NUCB2: variants seen among roughly 807,000 people sequenced by gnomAD.
NUCB2 encodes the protein nucleobindin-2.
NUCB2 carries 48 observed loss-of-function variants against 57.9 expected under a neutral mutation model. That is an observed-to-expected ratio of 0.83 (90% confidence interval 0.66 to 1.05). The LOEUF (loss-of-function observed/expected upper bound fraction) is 1.05. Ranked by LOEUF, NUCB2 falls within the 50% of genes least tolerant of loss-of-function variation. NUCB2 has a pLI of 0.00. For missense variants in NUCB2, 442 were observed against 476.2 expected (o/e 0.93, Z 0.67); for synonymous variants, 139 against 152.1 (o/e 0.91, Z 0.64).
Position 17,300,520 on chromosome 11 carries a change from C to T in NUCB2, c.253-1224C>T, listed in dbSNP as rs75713188. Among the ~76,000 whole-genome samples the T allele has an allele frequency of 5.3e-5, 8 of 152,242 alleles. 1 individual carries two copies. The East Asian group carries it at 1.5e-3, about 29-fold the overall frequency. On this transcript the variant is annotated intron_variant, in intron 4 of 13. Coordinates refer to ENST00000529010, the MANE Select transcript of NUCB2 (RefSeq NM_005013.4). ...GACATTGCATATATGTGGACTCATA[C>T]AATAAGTGGTTTGTTGTGTCTGGTT...
intron 2 of NUCB2, among the ~76,000 whole-genome samples, chr11:17,294,436 A>G (rs1239973064): frequency 6.6e-6 from 1 of 152,164 alleles, no homozygotes; most frequent in Admixed American, 6.5e-5. Flanking sequence ...AAATGGGTGA[A>G]TTTTATGACG....
rs1591438018 is a variant in NUCB2 at position 17,311,011 on chromosome 11, G to A, written c.669+1G>A. ...AAATCACCCTAAAGTTAATCACCCAGTAAGGATTGTGACTTTATGAAACCA... is the reference window on the plus strand; with the variant it reads ...AAATCACCCTAAAGTTAATCACCCAATAAGGATTGTGACTTTATGAAACCA... On this transcript the variant is annotated splice_donor_variant, in intron 7 of 13. Coordinates refer to ENST00000529010, the MANE Select transcript of NUCB2 (RefSeq NM_005013.4). LOFTEE classifies it high-confidence loss of function. The A allele has an allele frequency of 6.4e-7, 1 of 1,568,498 alleles. No individual in the cohort carries two copies. Among genetic ancestry groups the A allele is most frequent in the Non-Finnish European group, 8.6e-7 (1 of 1,166,492 alleles).
intron 2 of NUCB2, among the ~76,000 whole-genome samples, chr11:17,340,715 GT>G: frequency 6.6e-6 from 1 of 152,332 alleles, no homozygotes. Flanking sequence ...CTATATCTGT[GT>G]TTTGGTACCA....
At chr11:17,334,300 G>A (rs1181923603), downstream of NUCB2, 1 of 152,318 alleles carries the variant, frequency 6.6e-6, no homozygotes, top group African/African-American at 2.4e-5. Context: ...AGAGTAGGCT[G>A]CTGAAAGAGC....
At chr11:17,281,148 T>G (rs1457720676) in intron 1 of NUCB2, among the ~76,000 whole-genome samples, 1 of 152,178 alleles carries the variant, frequency 6.6e-6, no homozygotes, top group Non-Finnish European at 1.5e-5. Context: ...TTATTTTTTT[T>G]AGACAGGGTC....
chr11:17,325,721 T>C (rs1483375328), intron 11 of NUCB2, among the ~76,000 whole-genome samples: 1 of 152,132 alleles, frequency 6.6e-6, no homozygotes, highest in Non-Finnish European at 1.5e-5. Context: ...ATTTTGTTAT[T>C]TTTCTGGATG....
At chr11:17,309,775 C>A in intron 6 of NUCB2, 100 bp downstream of exon 6, 1 of 699,656 alleles carries the variant, frequency 1.4e-6, no homozygotes, top group Non-Finnish European at 2.3e-6. Context: ...TTTATATATT[C>A]TGTAGAAGTT....
At chr11:17,341,727 A>G (rs1239313747) in intron 2 of NUCB2, among the ~76,000 whole-genome samples, 1 of 152,158 alleles carries the variant, frequency 6.6e-6, no homozygotes, top group Non-Finnish European at 1.5e-5. Context: ...CCAGTATTTT[A>G]TTGAGGATTT....
chr11:17,336,058 C>T (rs564754100), downstream of NUCB2, among the ~76,000 whole-genome samples: 2 of 152,078 alleles, frequency 1.3e-5, no homozygotes, highest in African/African-American at 2.4e-5. Context: ...TTTTGGATTT[C>T]GGATTTTTTT....
intron 10 of NUCB2, among the ~76,000 whole-genome samples, chr11:17,313,263 C>T (rs1337898010): frequency 6.6e-6 from 1 of 151,958 alleles, no homozygotes; most frequent in East Asian, 1.9e-4. Flanking sequence ...GGCATGATAG[C>T]TCATGCCTAT....
At position 17,331,182 on chromosome 11, in the gene NUCB2, C is replaced by T. The variant is rs1378459212; in HGVS notation, c.1255+199C>T. Reference sequence around the variant, plus strand: ...TTTATGTAGCAGCAAATTTTAAGTGCTGTATCATTTGTATAATTTGATAAC... The same window carrying T: ...TTTATGTAGCAGCAAATTTTAAGTGTTGTATCATTTGTATAATTTGATAAC... On this transcript the variant is annotated intron_variant, in intron 13 of 13. Coordinates refer to ENST00000529010, the MANE Select transcript of NUCB2 (RefSeq NM_005013.4). 5.4e-6 allele frequency: 3 copies of T among 560,162 alleles called. No individual in the cohort carries two copies. The African/African-American group carries it at 5.8e-5, about 11-fold the overall frequency. The allele number at this position is 560,162 out of a possible 1,614,324, so 34.7% of individuals were successfully genotyped here.
rs182928712 is a variant in NUCB2 at position 17,296,121 on chromosome 11, T to A, written c.162T>A (p.Tyr54Ter). The A allele has an allele frequency of 9.3e-6, 15 of 1,607,194 alleles. No homozygotes were observed. The East Asian group carries it at 2.2e-4, about 24-fold the overall frequency. Residue 54 changes from tyrosine to a stop codon, truncating the protein, a stop_gained, in exon 4 of 14, where the codon TAT (tyrosine) becomes TAA (stop). Transcript: ENST00000529010. LOFTEE classifies it high-confidence loss of function. The part of the protein sequence containing the change: ...KIEPPDTGLY[Y>*]DEYLKQVIDV... ...ATTTGAAGGATACTGGACTTTATTA[T>A]GATGAATATCTCAAGCAAGTGATTG...
chr11:17,301,788 G>A lies in NUCB2; in HGVS notation c.297G>A (p.Val99=). ...AACTGGATTTAGTAAGTCACCATGT[G>A]AGGACAAAACTTGATGAACTGAAAA... ...SKELDLVSHH[V]RTKLDELKRQ... The change falls in exon 5 of 14, where the codon GTG becomes GTA. Residue 99 remains valine, a synonymous_variant. Coordinates refer to ENST00000529010, the MANE Select transcript of NUCB2 (RefSeq NM_005013.4). The A allele has an allele frequency of 6.2e-7, 1 of 1,610,640 alleles. No individual in the cohort carries two copies. Among genetic ancestry groups the A allele is most frequent in the Non-Finnish European group, 8.5e-7 (1 of 1,176,838 alleles).
At chr11:17,291,182 T>C (rs1944876122) in intron 2 of NUCB2, 1 of 152,198 alleles carries the variant, frequency 6.6e-6, no homozygotes, top group Admixed American at 6.6e-5. Flanking sequence ...ATATGTGTCC[T>C]CTTGCTTCTG....
intron 2 of NUCB2, among the ~76,000 whole-genome samples, chr11:17,289,735 T>G (rs999614555): frequency 1.5e-4 from 23 of 152,222 alleles, no homozygotes; most frequent in African/African-American, 4.6e-4. Context: ...TTACAGTGAT[T>G]TGTTATTTTC....
At chr11:17,336,879 A>G (rs1451868668), downstream of NUCB2, among the ~76,000 whole-genome samples, 1 of 151,434 alleles carries the variant, frequency 6.6e-6, no homozygotes, top group East Asian at 1.9e-4. Flanking sequence ...TTATAATAAG[A>G]TTAAATGCAA....
rs558951401 is a variant in NUCB2 at position 17,331,711 on chromosome 11, C to G, written c.*292C>G. 74 of 291,032 alleles carry G rather than the reference C, an allele frequency of 2.5e-4. No homozygotes were observed. Among genetic ancestry groups the G allele is most frequent in the African/African-American group, 1.4e-3 (63 of 46,322 alleles). 18.0% of individuals were successfully genotyped at this position (291,032 alleles called of 1,614,324 possible). ...AATGATTTAATTAAGTGGCTTTATG[C>G]CATAATTTAGTGAAACTATTAGGAA... On this transcript the variant is annotated 3_prime_UTR_variant, in exon 14 of 14. Transcript: ENST00000529010.
chr11:17,300,776 A>G (rs1451086398), intron 4 of NUCB2, among the ~76,000 whole-genome samples: 7 of 152,160 alleles, frequency 4.6e-5, no homozygotes, highest in African/African-American at 1.4e-4. Context: ...TCTTTTAGTT[A>G]TATATCTAGG....
intron 4 of NUCB2, among the ~76,000 whole-genome samples, chr11:17,299,192 C>T (rs530281385): frequency 3.3e-5 from 5 of 152,310 alleles, no homozygotes; most frequent in African/African-American, 1.2e-4. Flanking sequence ...CCTCATTCTA[C>T]TGGGCTCCTT....
Sources: gnomAD v4.1 joint callset for allele counts (sites outside exome capture counted in the v4.1 genomes callset) on GRCh38, gnomAD v4.1.1 for gene constraint, MANE v1.5 for transcripts, NCBI Gene and HGNC (gene_info 2026-07-23, HGNC 2026-07-21) for gene names.